The following SEMA3D variants were observed in gnomAD, a reference collection of about 807,000 sequenced individuals.
The protein encoded by SEMA3D is semaphorin-3D.
In SEMA3D, 84 loss-of-function variants were observed where a neutral mutation model predicts 100.1. The ratio of observed to expected loss-of-function variants is 0.84; its 90% CI spans 0.70 to 1.01. The LOEUF (loss-of-function observed/expected upper bound fraction) is 1.01, where lower values mean the gene tolerates loss of function less well. Among genes scored for constraint, SEMA3D ranks in the 50% least tolerant of loss-of-function variants. The pLI is 0.00. For missense variants in SEMA3D, 875 were observed against 934.1 expected, an observed-to-expected ratio of 0.94 and a Z score of 0.82; for synonymous variants, 312 against 320.7, an observed-to-expected ratio of 0.97 and a Z score of 0.29.
chr7:85,121,770 T>C lies in SEMA3D; in HGVS notation c.122A>G (p.Asn41Ser). Residue 41 changes from asparagine (N) to serine (S), a missense_variant, in exon 3 of 19, where the codon AAT (asparagine) becomes AGT (serine). Physicochemically the swap from Asn to Ser is conservative, Grantham distance 46. Transcript: ENST00000284136. ...FLPVTGTLKQ[N>S]IPRLKLTYKD... ...GTAGGTTAGCTTGAGTCTTGGAATA[T>C]TTTGCTTCAAAGTGCCAGTGACTGG... 1 of 1,601,336 alleles carries C rather than the reference T, an allele frequency of 6.2e-7. No individual in the cohort carries two copies.
chr7:85,145,346 TG>T (rs1249756359), intron 2 of SEMA3D, among the ~76,000 whole-genome samples: 4 of 151,940 alleles, frequency 2.6e-5, no homozygotes, highest in African/African-American at 4.8e-5. Context: ...TTTATTGGTT[TG>T]GGGGGGATAG....
chr7:85,192,481 T>C, the SEMA3D span, among the ~76,000 whole-genome samples: 16 of 152,104 alleles, frequency 1.1e-4, no homozygotes, highest in Non-Finnish European at 1.6e-4. Flanking sequence ...AGGGCACTTC[T>C]AATCTTCACC....
chr7:85,239,982 C>T, the SEMA3D span, among the ~76,000 whole-genome samples: 2 of 151,944 alleles, frequency 1.3e-5, no homozygotes, highest in East Asian at 3.9e-4. Context: ...TTTCTTTTTT[C>T]CTGTTAGGTC....
chr7:85,174,233 T>C (rs1791163382), intron 1 of SEMA3D, among the ~76,000 whole-genome samples: 1 of 152,166 alleles, frequency 6.6e-6, no homozygotes, highest in African/African-American at 2.4e-5. Context: ...CCCACGGTGA[T>C]AAAGAATTCT....
At chr7:85,029,469 T>C (rs1790484378) in intron 12 of SEMA3D, 1 of 717,638 alleles carries the variant, frequency 1.4e-6, no homozygotes, top group Non-Finnish European at 2.6e-6. Flanking sequence ...AGAAGATTCT[T>C]AGCAAGTGCC....
chr7:85,030,210 T>TTC (rs1554334629), intron 12 of SEMA3D, among the ~76,000 whole-genome samples: 2 of 150,834 alleles, frequency 1.3e-5, no homozygotes, highest in East Asian at 3.9e-4. Flanking sequence ...TTTTTTTTTT[T>TTC]TGAAACTACC....
intron 5 of SEMA3D, among the ~76,000 whole-genome samples, chr7:85,077,702 A>G (rs999833952): frequency 7.2e-5 from 11 of 152,256 alleles, no homozygotes; most frequent in African/African-American, 2.6e-4. Context: ...TGTATGTTGT[A>G]TTCAATATTA....
At chr7:85,215,423 C>T in the SEMA3D span, among the ~76,000 whole-genome samples, 15 of 152,182 alleles carry the variant, frequency 9.9e-5, no homozygotes, top group Non-Finnish European at 1.6e-4. Flanking sequence ...CTTGAATTCT[C>T]GGCCAATTTA....
At position 85,091,503 on chromosome 7, in the gene SEMA3D, TAA is replaced by T. The variant is rs550466922; in HGVS notation, c.312+6300_312+6301del. On this transcript the variant is annotated intron_variant, in intron 4 of 18. Transcript: ENST00000284136. ...TTTTTACCATCAACTATGACTCCAT[TAA>T]AAAAAAAAGAGTGAGAAAGAGGGAG... 1.3e-4 allele frequency among the ~76,000 whole-genome samples: 19 copies of T among 144,574 alleles called. 2 individuals carry two copies. The highest frequency in any genetic ancestry group is 4.5e-4 in the African/African-American group (18 of 39,622). 94.8% of individuals were successfully genotyped at this position (144,574 alleles called of 152,430 possible).
the SEMA3D span, among the ~76,000 whole-genome samples, chr7:85,225,162 A>AAT: frequency 1.0e-4 from 14 of 136,624 alleles, no homozygotes; most frequent in Non-Finnish European, 1.4e-4. Context: ...ATATATAATA[A>AAT]ATATATATAT....
At chr7:85,117,369 T>C (rs1417045515) in intron 3 of SEMA3D, among the ~76,000 whole-genome samples, 1 of 152,160 alleles carries the variant, frequency 6.6e-6, no homozygotes, top group Non-Finnish European at 1.5e-5. Flanking sequence ...ATAGTAATTG[T>C]TTTATTAAGG....
At chr7:85,066,529 A>T (rs1365652046) in intron 7 of SEMA3D, among the ~76,000 whole-genome samples, 2 of 151,990 alleles carry the variant, frequency 1.3e-5, no homozygotes, top group African/African-American at 4.8e-5. Context: ...GCGGAGGGGC[A>T]GGAAGAAGGC....
intron 11 of SEMA3D, among the ~76,000 whole-genome samples, chr7:85,037,278 G>A (rs1177985819): frequency 1.3e-5 from 2 of 152,152 alleles, no homozygotes; most frequent in Non-Finnish European, 2.9e-5. Flanking sequence ...TGGGTACCCA[G>A]TATAGGGCTG....
At chr7:85,243,703 C>T in the SEMA3D span, among the ~76,000 whole-genome samples, 1 of 152,150 alleles carries the variant, frequency 6.6e-6, no homozygotes, top group Non-Finnish European at 1.5e-5. Flanking sequence ...AAAATGGAAT[C>T]TTCCACGTGA....
intron 2 of SEMA3D, among the ~76,000 whole-genome samples, chr7:85,148,857 T>A (rs1305467611): frequency 6.6e-6 from 1 of 151,868 alleles, no homozygotes; most frequent in African/African-American, 2.4e-5. Flanking sequence ...AACAGTGCTA[T>A]ATAAACATTT....
At chr7:85,069,950 GA>G (rs1323669097) in intron 6 of SEMA3D, among the ~76,000 whole-genome samples, 8 of 152,098 alleles carry the variant, frequency 5.3e-5, no homozygotes, top group African/African-American at 1.9e-4. Flanking sequence ...CTGTTATCTA[GA>G]AATGGATGAA....
intron 11 of SEMA3D, among the ~76,000 whole-genome samples, chr7:85,040,347 G>T (rs996279682): frequency 2.6e-5 from 4 of 151,948 alleles, no homozygotes; most frequent in Non-Finnish European, 1.5e-5. Flanking sequence ...GTTCCTATGG[G>T]GAAGGTATAT....
chr7:85,014,984 A>G, intron 16 of SEMA3D, 75 bp downstream of exon 16: 2 of 1,127,140 alleles, frequency 1.8e-6, no homozygotes, highest in Non-Finnish European at 1.3e-6. Flanking sequence ...AACTTAAACT[A>G]TAAGACAAAG....
intron 1 of SEMA3D, among the ~76,000 whole-genome samples, chr7:85,179,574 T>C (rs1439684084): frequency 6.6e-6 from 1 of 152,186 alleles, no homozygotes; most frequent in Non-Finnish European, 1.5e-5. Flanking sequence ...ACCCCAATTA[T>C]ATTTTGAAGT....
Sources: gnomAD v4.1 joint callset for allele counts (sites outside exome capture counted in the v4.1 genomes callset) on GRCh38, gnomAD v4.1.1 for gene constraint, MANE v1.5 for transcripts, NCBI Gene and HGNC (gene_info 2026-07-23, HGNC 2026-07-21) for gene names.